Variants in IMMP1L observed in about 807,000 individuals in gnomAD.
IMMP1L encodes mitochondrial inner membrane protease subunit 1.
Under a neutral mutation model 21.8 loss-of-function variants are expected in IMMP1L, and 24 were observed. The ratio of observed to expected loss-of-function variants is 1.10; its 90% CI spans 0.80 to 1.55. IMMP1L has a LOEUF of 1.55. Among genes scored for constraint, IMMP1L ranks in the 40% most tolerant of loss-of-function variants. IMMP1L has a pLI of 0.00. For missense variants in IMMP1L, 195 were observed against 200.7 expected (o/e 0.97, Z 0.17); for synonymous variants, 46 against 62.8 (o/e 0.73, Z 1.26).
intron 1 of IMMP1L, among the ~76,000 whole-genome samples, chr11:31,503,354 C>A (rs2133833954): frequency 6.6e-6 from 1 of 151,568 alleles, no homozygotes; most frequent in Non-Finnish European, 1.5e-5. Flanking sequence ...ACAAACAAAG[C>A]CTTAGCAAAT....
chr11:31,500,701 A>AG (rs1955592924), intron 1 of IMMP1L, among the ~76,000 whole-genome samples: 1 of 151,772 alleles, frequency 6.6e-6, no homozygotes, highest in African/African-American at 2.4e-5. Flanking sequence ...AGCTGTAGAC[A>AG]CTTTTTTTTT....
At chr11:31,498,039 C>A (rs945021799) in intron 1 of IMMP1L, among the ~76,000 whole-genome samples, 8 of 151,992 alleles carry the variant, frequency 5.3e-5, no homozygotes, top group Non-Finnish European at 7.4e-5. Context: ...GAAAAACGAT[C>A]GTCATGTATG....
intron 4 of IMMP1L, among the ~76,000 whole-genome samples, chr11:31,455,696 G>A (rs1483954751): frequency 6.6e-6 from 1 of 152,208 alleles, no homozygotes; most frequent in South Asian, 2.1e-4. Context: ...ATCTTTCCAT[G>A]TTTTTTATGA....
intron 4 of IMMP1L, among the ~76,000 whole-genome samples, chr11:31,445,525 A>C (rs1228245324): frequency 6.6e-6 from 1 of 152,218 alleles, no homozygotes; most frequent in East Asian, 1.9e-4. Context: ...ATTAAAAATA[A>C]ATATGTAGGT....
chr11:31,457,371 T>C lies in IMMP1L; in HGVS notation c.195-985A>G, dbSNP rs539245653. On this transcript the variant is annotated intron_variant, in intron 3 of 5. Coordinates refer to ENST00000532287, the MANE Select transcript of IMMP1L (RefSeq NM_001304274.2). ...GAAGAAAGATAGAACGTAGGACTAA[T>C]GACCACAGTCAAACAGAACACAATA... is the stretch of plus-strand genomic sequence containing the variant. Among the ~76,000 whole-genome samples, 12 of 152,292 alleles carry C rather than the reference T, an allele frequency of 7.9e-5. No individual in the cohort carries two copies. In the East Asian group the frequency reaches 2.1e-3, roughly 27 times the overall value.
chr11:31,434,550 C>A (rs556398311), intron 4 of IMMP1L, among the ~76,000 whole-genome samples: 2 of 152,018 alleles, frequency 1.3e-5, no homozygotes, highest in African/African-American at 4.8e-5. Flanking sequence ...TACTTGTAAA[C>A]CTTTTATGAA....
chr11:31,488,501 C>T (rs1955154356), intron 1 of IMMP1L, among the ~76,000 whole-genome samples: 1 of 152,052 alleles, frequency 6.6e-6, no homozygotes, highest in Admixed American at 6.6e-5. Flanking sequence ...ATGAGATCAA[C>T]CTAGAAAGAA....
At chr11:31,433,830 C>A in intron 4 of IMMP1L, 2 of 308,516 alleles carry the variant, frequency 6.5e-6, no homozygotes, top group South Asian at 5.4e-5. Flanking sequence ...ATACAAACCC[C>A]AAACTGAGGT....
chr11:31,467,211 A>G (rs1022768237), intron 1 of IMMP1L, among the ~76,000 whole-genome samples: 2 of 152,164 alleles, frequency 1.3e-5, no homozygotes, highest in Non-Finnish European at 2.9e-5. Context: ...GATCTTAAGG[A>G]TGAATTTGAG....
intron 1 of IMMP1L, among the ~76,000 whole-genome samples, chr11:31,491,439 T>C (rs1031985673): frequency 6.6e-6 from 1 of 152,156 alleles, no homozygotes; most frequent in Admixed American, 6.5e-5. Context: ...GTCCTTGTTG[T>C]AAAGTGGCAG....
intron 1 of IMMP1L, among the ~76,000 whole-genome samples, chr11:31,475,623 A>C (rs1954700250): frequency 6.6e-6 from 1 of 152,148 alleles, no homozygotes; most frequent in African/African-American, 2.4e-5. Context: ...CTTATCTCCA[A>C]AAATAATTCC....
chr11:31,489,121 T>C (rs1343058857), intron 1 of IMMP1L, among the ~76,000 whole-genome samples: 1 of 152,028 alleles, frequency 6.6e-6, no homozygotes, highest in Non-Finnish European at 1.5e-5. Flanking sequence ...ATGCTCTTGA[T>C]TTCCTGACCT....
At chr11:31,453,616 G>A (rs535295690) in intron 4 of IMMP1L, among the ~76,000 whole-genome samples, 31 of 152,244 alleles carry the variant, frequency 2.0e-4, no homozygotes, top group Non-Finnish European at 4.0e-4. Context: ...TCCAAACTTG[G>A]ATGAAATTTT....
intron 4 of IMMP1L, among the ~76,000 whole-genome samples, chr11:31,438,336 C>A (rs942141280): frequency 6.6e-5 from 10 of 152,080 alleles, no homozygotes; most frequent in Non-Finnish European, 1.3e-4. Context: ...CTAGTATTAT[C>A]TTTTGTGAAG....
At chr11:31,441,838 C>T (rs1401784208) in intron 4 of IMMP1L, among the ~76,000 whole-genome samples, 1 of 151,980 alleles carries the variant, frequency 6.6e-6, no homozygotes, top group African/African-American at 2.4e-5. Context: ...CTGAAAACCA[C>T]TCTAATAAAC....
chr11:31,492,005 G>T (rs1955271613), intron 1 of IMMP1L, among the ~76,000 whole-genome samples: 1 of 152,158 alleles, frequency 6.6e-6, no homozygotes. Context: ...TTTCATAATG[G>T]TAAATGAGCA....
intron 1 of IMMP1L, among the ~76,000 whole-genome samples, chr11:31,508,892 C>T (rs186180013): frequency 6.6e-6 from 1 of 152,166 alleles, no homozygotes; most frequent in East Asian, 1.9e-4. Context: ...AATAAACTCT[C>T]GATTCAGGGT....
chr11:31,505,653 A>G (rs182180760), intron 1 of IMMP1L, among the ~76,000 whole-genome samples: 19 of 152,338 alleles, frequency 1.2e-4, no homozygotes, highest in Admixed American at 1.2e-3. Context: ...CCATAAAGCT[A>G]TATTGACTGC....
At position 31,446,255 on chromosome 11, in the gene IMMP1L, T is replaced by C. The variant is rs1484771301; in HGVS notation, c.321+10005A>G. Among the ~76,000 whole-genome samples the C allele has an allele frequency of 3.9e-5, 6 of 152,322 alleles. No individual in the cohort carries two copies. The South Asian group carries it at 1.2e-3, about 32-fold the overall frequency. On this transcript the variant is annotated intron_variant, in intron 4 of 5. Coordinates refer to ENST00000532287, the MANE Select transcript of IMMP1L (RefSeq NM_001304274.2). ...AATCTTTCTGCAATCTTTGTACTTCTTCCTATTCTCGATGTTATTATCTCA... is the reference window on the plus strand; with the variant it reads ...AATCTTTCTGCAATCTTTGTACTTCCTCCTATTCTCGATGTTATTATCTCA...
Sources: allele counts gnomAD v4.1 joint callset (sites outside exome capture counted in the v4.1 genomes callset), GRCh38; gene constraint gnomAD v4.1.1; transcripts MANE v1.5; gene names NCBI Gene and HGNC (gene_info 2026-07-23, HGNC 2026-07-21).